PCCA: variants seen among roughly 807,000 people sequenced by gnomAD.
PCCA encodes propionyl-CoA carboxylase alpha chain, mitochondrial.
A neutral mutation model predicts 101.3 loss-of-function variants in PCCA; 74 were observed. The ratio of observed to expected loss-of-function variants is 0.73; its 90% CI spans 0.61 to 0.89. PCCA has a LOEUF of 0.89. Ranked by LOEUF, PCCA falls within the 40% of genes least tolerant of loss-of-function variation. The probability of loss-of-function intolerance (pLI) is 0.00; values close to 1 mark genes in which losing one functional copy is unlikely to be tolerated. For synonymous variants in PCCA, 294 were observed against 313.6 expected, an observed-to-expected ratio of 0.94 and a Z score of 0.66; for missense variants, 891 against 907.0, an observed-to-expected ratio of 0.98 and a Z score of 0.23.
chr13:100,526,270 G>A (rs1039714485), intron 22 of PCCA, among the ~76,000 whole-genome samples: 8 of 152,208 alleles, frequency 5.3e-5, no homozygotes, highest in Admixed American at 2.0e-4. Context: ...CTGATTCTTC[G>A]CTCTCCCTGG....
At chr13:100,338,461 A>G (rs1403031920) in intron 17 of PCCA, among the ~76,000 whole-genome samples, 2 of 152,098 alleles carry the variant, frequency 1.3e-5, no homozygotes, top group Non-Finnish European at 1.5e-5. Context: ...TTTTAGTAGT[A>G]CTATGAAAAT....
chr13:100,472,051 TTCTCCCTTCACAGTGG>T (rs529389187), intron 21 of PCCA, among the ~76,000 whole-genome samples: 180 of 152,280 alleles, frequency 1.2e-3, no homozygotes, highest in African/African-American at 4.2e-3. Flanking sequence ...CAGATTGTGG[TTCTCCCTTCACAGTGG>T]AATACAAGGG....
intron 4 of PCCA, among the ~76,000 whole-genome samples, chr13:100,129,250 T>C (rs1341361370): frequency 6.6e-6 from 1 of 152,218 alleles, no homozygotes; most frequent in African/African-American, 2.4e-5. Flanking sequence ...TTTAGCAAGG[T>C]CTTTTAAAAT....
chr13:100,438,067 C>A (rs2042142080), intron 20 of PCCA, among the ~76,000 whole-genome samples: 1 of 150,826 alleles, frequency 6.6e-6, no homozygotes, highest in African/African-American at 2.4e-5. Context: ...CCTGTGGAGA[C>A]AAAAGTGATT....
At chr13:100,112,386 CT>C (rs1000461294) in intron 4 of PCCA, among the ~76,000 whole-genome samples, 3 of 152,146 alleles carry the variant, frequency 2.0e-5, no homozygotes, top group Non-Finnish European at 4.4e-5. Context: ...TATGAGAGCA[CT>C]TTCCCCCAGC....
chr13:100,456,942 A>G (rs6491559), intron 21 of PCCA, among the ~76,000 whole-genome samples: 15,734 of 151,122 alleles, frequency 0.1, 1,363 homozygotes, highest in African/African-American at 0.24. Flanking sequence ...TCCAAGGAAA[A>G]GAGACTCCGT....
At chr13:100,494,542 G>C (rs1332250500) in intron 21 of PCCA, among the ~76,000 whole-genome samples, 2 of 152,052 alleles carry the variant, frequency 1.3e-5, no homozygotes, top group African/African-American at 4.8e-5. Flanking sequence ...AATTAGCCAG[G>C]CGTGGTGGTG....
At chr13:100,115,134 C>G (rs183119134) in intron 4 of PCCA, among the ~76,000 whole-genome samples, 1 of 152,154 alleles carries the variant, frequency 6.6e-6, no homozygotes, top group Non-Finnish European at 1.5e-5. Context: ...ATGGATGGAA[C>G]TGGTGGAGGA....
chr13:100,319,453 G>A (rs747421601), intron 16 of PCCA, among the ~76,000 whole-genome samples: 9 of 152,128 alleles, frequency 5.9e-5, no homozygotes, highest in South Asian at 2.1e-4. Context: ...TTCTTCTAGG[G>A]TTTTTATGGT....
intron 16 of PCCA, among the ~76,000 whole-genome samples, chr13:100,327,798 AATG>A (rs1342087768): frequency 6.6e-6 from 1 of 152,232 alleles, no homozygotes. Flanking sequence ...CTTTAACAAT[AATG>A]ATGTTGAACA....
intron 16 of PCCA, among the ~76,000 whole-genome samples, chr13:100,329,357 A>G (rs1206815807): frequency 6.6e-6 from 1 of 152,156 alleles, no homozygotes; most frequent in Admixed American, 6.5e-5. Flanking sequence ...ACTGCTAATG[A>G]ACGTACCGTG....
At chr13:100,457,796 T>A (rs1427375512) in intron 21 of PCCA, among the ~76,000 whole-genome samples, 4 of 152,214 alleles carry the variant, frequency 2.6e-5, no homozygotes. Context: ...CTGGTAGTGA[T>A]GTGTGTCACT....
chr13:100,467,710 C>T (rs1349054367), intron 21 of PCCA, among the ~76,000 whole-genome samples: 1 of 152,182 alleles, frequency 6.6e-6, no homozygotes, highest in East Asian at 1.9e-4. Flanking sequence ...AGTCACATGT[C>T]CAAGCTCCAC....
At chr13:100,174,905 A>G (rs2056098832) in intron 6 of PCCA, among the ~76,000 whole-genome samples, 1 of 151,946 alleles carries the variant, frequency 6.6e-6, no homozygotes, top group Non-Finnish European at 1.5e-5. Context: ...CATTTACCAT[A>G]TTTGAAATTC....
chr13:100,505,564 A>G (rs974373739), intron 21 of PCCA, among the ~76,000 whole-genome samples: 4 of 152,216 alleles, frequency 2.6e-5, no homozygotes, highest in Non-Finnish European at 5.9e-5. Context: ...ATGATTTTAA[A>G]ATAAAATCCA....
At chr13:100,299,568 A>T (rs1025385863) in intron 12 of PCCA, among the ~76,000 whole-genome samples, 1 of 152,142 alleles carries the variant, frequency 6.6e-6, no homozygotes, top group African/African-American at 2.4e-5. Context: ...ATATGTATTT[A>T]TTTGCCTTGT....
At position 100,154,847 on chromosome 13, in the gene PCCA, C is replaced by CAACA. The variant is rs1218480917; in HGVS notation, c.301-131_301-130insACAA. On this transcript the variant is annotated intron_variant, in intron 4 of 23. Coordinates refer to ENST00000376285, the MANE Select transcript of PCCA (RefSeq NM_000282.4). ...TTTGTTGCATTGTTGCTTTTTAGTG[C>CAACA]ATACTCAAAAAGAAATACGACTCTA... is the stretch of plus-strand genomic sequence containing the variant. 9 of 722,638 alleles carry CAACA rather than the reference C, an allele frequency of 1.2e-5. No individual in the cohort carries two copies. The East Asian group carries it at 2.3e-4, about 18-fold the overall frequency. The allele number at this position is 722,638 out of a possible 1,614,324, so 44.8% of individuals were successfully genotyped here. A position where few individuals can be genotyped will look rare whatever the true frequency, so the allele number is the denominator to read the frequency against.
chr13:100,162,576 C>G (rs991395773), intron 6 of PCCA, among the ~76,000 whole-genome samples: 3 of 152,124 alleles, frequency 2.0e-5, no homozygotes, highest in Non-Finnish European at 2.9e-5. Context: ...TCCCCTCTTC[C>G]CCATTGGTGT....
rs146683508 is a variant in PCCA, at chr13:100,231,763, G to A, written c.601-4079G>A. Among the ~76,000 whole-genome samples, 271 of 151,992 alleles carry A rather than the reference G, an allele frequency of 1.8e-3. 2 individuals are homozygous for A. The highest frequency in any genetic ancestry group is 6.3e-3 in the African/African-American group (259 of 41,430). On this transcript the variant is annotated intron_variant, in intron 7 of 23. Transcript: ENST00000376285. The stretch of plus-strand genomic sequence containing the variant: ...TTTATTTATTCTTAAATATAGACAA[G>A]GTCTTGCGATGTTGCTTAAGTCAGT...
Sources: allele counts gnomAD v4.1 joint callset (sites outside exome capture counted in the v4.1 genomes callset), GRCh38; gene constraint gnomAD v4.1.1; transcripts MANE v1.5; gene names NCBI Gene and HGNC (gene_info 2026-07-23, HGNC 2026-07-21).